Variants in SLAMF9 observed in about 807,000 individuals in gnomAD.
The protein encoded by SLAMF9 is CD2 family member 10.
Under a neutral mutation model 30.4 loss-of-function variants are expected in SLAMF9, and 25 were observed. The observed-to-expected ratio is 0.82, with a 90% CI of 0.60 to 1.15. The LOEUF (loss-of-function observed/expected upper bound fraction) is 1.15. Ranked by LOEUF, SLAMF9 falls within the 50% of genes most tolerant of loss-of-function variation. The pLI, the probability that SLAMF9 is intolerant of heterozygous loss-of-function variation, is 0.00. For synonymous variants in SLAMF9, 129 were observed against 127.2 expected, an observed-to-expected ratio of 1.01 and a Z score of -0.09; for missense variants, 344 against 346.1, an observed-to-expected ratio of 0.99 and a Z score of 0.05.
chr1:159,974,097 C>A, the SLAMF9 span: 3 of 1,471,326 alleles, frequency 2.0e-6, no homozygotes, highest in Non-Finnish European at 2.8e-6. Context: ...AGCCCTGGAG[C>A]TGCAGGTCCC....
the SLAMF9 span, among the ~76,000 whole-genome samples, chr1:159,962,784 G>A: frequency 6.6e-6 from 1 of 152,168 alleles, no homozygotes; most frequent in African/African-American, 2.4e-5. Context: ...AATGGAGCAG[G>A]TGAGGTAACT....
At chr1:159,968,585 G>C in the SLAMF9 span, among the ~76,000 whole-genome samples, 1 of 152,152 alleles carries the variant, frequency 6.6e-6, no homozygotes, top group Non-Finnish European at 1.5e-5. Flanking sequence ...AGGGGAGAGA[G>C]GGACTGTCTG....
the SLAMF9 span, among the ~76,000 whole-genome samples, chr1:159,966,249 T>C: frequency 6.6e-6 from 1 of 152,226 alleles, no homozygotes; most frequent in African/African-American, 2.4e-5. Context: ...CATAGTATCC[T>C]CTAGATTCAT....
the SLAMF9 span, chr1:159,965,640 A>G: frequency 6.6e-6 from 1 of 152,124 alleles, no homozygotes; most frequent in Non-Finnish European, 1.5e-5. Flanking sequence ...TCATTTTTCT[A>G]ATAAGGTATG....
chr1:159,951,666 C>G lies in SLAMF9; in HGVS notation c.865G>C (p.Ala289Pro), dbSNP rs1191641694. The change falls in exon 4 of 4, where the codon GCC becomes CCC. Residue 289 changes from alanine to proline, a missense_variant. Coordinates refer to ENST00000368093, the MANE Select transcript of SLAMF9 (RefSeq NM_033438.4). ...CTGGGGTTCCCAAGGAGCAGTCAGG[C>G]AGGGCTGGAGCCAGGCTTTGCCTCC... ...RKEAKPGSSPA is the reference protein window; with the variant it reads ...RKEAKPGSSPP 1 of 1,613,896 alleles carries G rather than the reference C, an allele frequency of 6.2e-7. No homozygotes were observed. The highest frequency in any genetic ancestry group is 8.5e-7 in the Non-Finnish European group (1 of 1,179,986).
chr1:159,960,610 C>A, the SLAMF9 span, among the ~76,000 whole-genome samples: 1 of 152,074 alleles, frequency 6.6e-6, no homozygotes, highest in Non-Finnish European at 1.5e-5. Context: ...GGATTACAGG[C>A]GCATGCTACT....
the SLAMF9 span, among the ~76,000 whole-genome samples, chr1:159,981,780 CAGAAACAGGGCT>C: frequency 6.6e-6 from 1 of 152,250 alleles, no homozygotes; most frequent in Non-Finnish European, 1.5e-5. Flanking sequence ...CAGAGGGTGC[CAGAAACAGGGCT>C]AGAAACAGGC....
At chr1:159,955,623 G>C (rs1310738951), upstream of SLAMF9, among the ~76,000 whole-genome samples, 1 of 152,220 alleles carries the variant, frequency 6.6e-6, no homozygotes, top group Non-Finnish European at 1.5e-5. Context: ...AAGAATTTTA[G>C]ATCGTGACTT....
the SLAMF9 span, chr1:159,978,813 T>A: frequency 6.6e-6 from 1 of 152,128 alleles, no homozygotes; most frequent in Admixed American, 6.5e-5. Context: ...TCTGAGTTTG[T>A]TTACTAGAAA....
the SLAMF9 span, among the ~76,000 whole-genome samples, chr1:159,976,086 A>AGTGTGT: frequency 3.6e-4 from 53 of 148,382 alleles, no homozygotes; most frequent in African/African-American, 1.3e-3. Flanking sequence ...TATAGGTTGT[A>AGTGTGT]GTGTGTGTGT....
At chr1:159,976,914 A>AAG in the SLAMF9 span, 3 of 5,752 alleles carry the variant, frequency 5.2e-4, no homozygotes, top group Non-Finnish European at 0.032. Flanking sequence ...GAAAGAAAAA[A>AAG]AGAAAGAAAG....
the SLAMF9 span, among the ~76,000 whole-genome samples, chr1:159,981,007 G>A: frequency 6.6e-6 from 1 of 152,252 alleles, no homozygotes; most frequent in African/African-American, 2.4e-5. Context: ...ATGTGTGAGA[G>A]GGCAGTGGAG....
chr1:159,951,884 A>C lies in SLAMF9; in HGVS notation c.665-18T>G, dbSNP rs557099767. On this transcript the variant is annotated intron_variant, in intron 3 of 3. Coordinates refer to ENST00000368093, the MANE Select transcript of SLAMF9 (RefSeq NM_033438.4). ...GTTAGGATCTGGGGTGGAAGAAAGG[A>C]GGAAAGGGCCCATCAGTGGTAGGGT... 3 of 1,611,366 alleles carry C rather than the reference A, an allele frequency of 1.9e-6. No homozygotes were observed. In the South Asian group the frequency reaches 3.3e-5, roughly 18 times the overall value.
chr1:159,952,144 T>C (rs1651767138), intron 3 of SLAMF9, 118 bp downstream of exon 3: 2 of 1,190,444 alleles, frequency 1.7e-6, no homozygotes, highest in South Asian at 1.4e-5. Context: ...CAAGCCTCCA[T>C]GGGAGGGGGT....
chr1:159,982,133 C>T, the SLAMF9 span, among the ~76,000 whole-genome samples: 1 of 152,194 alleles, frequency 6.6e-6, no homozygotes, highest in Admixed American at 6.5e-5. Flanking sequence ...TAGAGTCCTC[C>T]TCCTTTCTAA....
chr1:159,976,973 G>GGAAGAAA, the SLAMF9 span: 1 of 115,804 alleles, frequency 8.6e-6, no homozygotes, highest in African/African-American at 3.9e-5. Flanking sequence ...AAAGAAAGAA[G>GGAAGAAA]GAAAGAAGGA....
the SLAMF9 span, among the ~76,000 whole-genome samples, chr1:159,967,333 CT>C: frequency 2.6e-5 from 4 of 152,158 alleles, no homozygotes; most frequent in Admixed American, 2.6e-4. Flanking sequence ...TAATTTCATT[CT>C]TCTGAATGTG....
chr1:159,960,033 A>G, the SLAMF9 span, among the ~76,000 whole-genome samples: 7 of 151,148 alleles, frequency 4.6e-5, no homozygotes, highest in Non-Finnish European at 8.9e-5. Flanking sequence ...TATATATTAT[A>G]CTTTAAGTTC....
At chr1:159,953,168 ACAG>A in intron 2 of SLAMF9, 138 bp downstream of exon 2, 2 of 692,254 alleles carry the variant, frequency 2.9e-6, no homozygotes, top group Non-Finnish European at 4.8e-6. Context: ...ACACTCAATC[ACAG>A]TATCTAGATT....
Sources: gnomAD v4.1 joint callset for allele counts (sites outside exome capture counted in the v4.1 genomes callset) on GRCh38, gnomAD v4.1.1 for gene constraint, MANE v1.5 for transcripts, NCBI Gene and HGNC (gene_info 2026-07-23, HGNC 2026-07-21) for gene names.